The following GULP1 variants were observed in gnomAD, a reference collection of about 807,000 sequenced individuals.
GULP1 encodes the protein GULP PTB domain containing engulfment adaptor 1, also known as PTB domain-containing engulfment adapter protein 1.
In GULP1, 19 loss-of-function variants were observed where a neutral mutation model predicts 40.9. That is an observed-to-expected ratio of 0.46 (90% CI 0.32 to 0.68). The LOEUF (loss-of-function observed/expected upper bound fraction) is 0.68. Ranked by LOEUF, GULP1 falls within the 30% of genes least tolerant of loss-of-function variation. The pLI, the probability that GULP1 is intolerant of heterozygous loss-of-function variation, is 0.03. For missense variants in GULP1, 312 were observed against 362.2 expected (o/e 0.86, Z 1.12); for synonymous variants, 119 against 117.6 (o/e 1.01, Z -0.08).
chr2:188,558,022 G>T (rs1695253367), intron 7 of GULP1, among the ~76,000 whole-genome samples: 1 of 152,158 alleles, frequency 6.6e-6, no homozygotes, highest in African/African-American at 2.4e-5. Flanking sequence ...ATGCTGCAAA[G>T]GTCTCTGAAA....
At chr2:188,336,664 T>C (rs775152597) in intron 1 of GULP1, among the ~76,000 whole-genome samples, 1 of 152,154 alleles carries the variant, frequency 6.6e-6, no homozygotes, top group Non-Finnish European at 1.5e-5. Flanking sequence ...ACTGAAGAAA[T>C]AACATTTGGT....
chr2:188,564,532 A>G (rs888919176), intron 7 of GULP1, among the ~76,000 whole-genome samples: 5 of 151,948 alleles, frequency 3.3e-5, no homozygotes, highest in African/African-American at 9.6e-5. Flanking sequence ...CAAGCCCTCT[A>G]TACTGAAATC....
chr2:188,472,103 G>C (rs2060636819), intron 2 of GULP1, among the ~76,000 whole-genome samples: 1 of 151,964 alleles, frequency 6.6e-6, no homozygotes, highest in African/African-American at 2.4e-5. Context: ...TTCTCTCTTG[G>C]CCTGTAAGGT....
intron 1 of GULP1, chr2:188,297,516 C>A: frequency 2.1e-6 from 1 of 481,764 alleles, no homozygotes; most frequent in Non-Finnish European, 4.3e-6. Flanking sequence ...CCTCCAGGAA[C>A]ATCAAGGATC....
At chr2:188,377,501 G>A (rs573475816) in intron 1 of GULP1, among the ~76,000 whole-genome samples, 113 of 152,198 alleles carry the variant, frequency 7.4e-4, no homozygotes, top group African/African-American at 2.4e-3. Context: ...AGGAGAATTG[G>A]CCATATTTGT....
At chr2:188,465,033 A>G (rs1430391863) in intron 2 of GULP1, among the ~76,000 whole-genome samples, 1 of 151,976 alleles carries the variant, frequency 6.6e-6, no homozygotes, top group East Asian at 2.0e-4. Flanking sequence ...AAGGTGCAAG[A>G]CAATGTCCCC....
At chr2:188,430,561 A>G (rs191485985) in intron 2 of GULP1, among the ~76,000 whole-genome samples, 38 of 152,302 alleles carry the variant, frequency 2.5e-4, no homozygotes, top group African/African-American at 7.7e-4. Flanking sequence ...GAACACTTTA[A>G]ACATATGTTT....
At chr2:188,420,043 A>G (rs1267265851) in intron 2 of GULP1, among the ~76,000 whole-genome samples, 5 of 152,010 alleles carry the variant, frequency 3.3e-5, no homozygotes, top group Non-Finnish European at 2.9e-5. Flanking sequence ...GTTCTGTTCC[A>G]CTGGTCTATA....
intron 7 of GULP1, among the ~76,000 whole-genome samples, chr2:188,555,526 A>G (rs910648131): frequency 2.0e-5 from 3 of 152,142 alleles, no homozygotes; most frequent in African/African-American, 7.2e-5. Context: ...CACTTTGAAT[A>G]TTTTAGCCCA....
chr2:188,465,048 C>T (rs2152980460), intron 2 of GULP1, among the ~76,000 whole-genome samples: 1 of 152,078 alleles, frequency 6.6e-6, no homozygotes, highest in East Asian at 2.0e-4. Context: ...GTCCCCTTTA[C>T]TTTTTCCTCC....
chr2:188,551,797 G>T (rs1388269594), intron 7 of GULP1, among the ~76,000 whole-genome samples: 1 of 151,642 alleles, frequency 6.6e-6, no homozygotes, highest in Admixed American at 6.6e-5. Context: ...CACCAATAGT[G>T]CATAAAAGTT....
chr2:188,434,568 G>A (rs1225886949), intron 2 of GULP1, among the ~76,000 whole-genome samples: 1 of 148,638 alleles, frequency 6.7e-6, no homozygotes, highest in Non-Finnish European at 1.5e-5. Context: ...ACATCCTTTT[G>A]AATCATTTTT....
chr2:188,571,100 T>G (rs1268712054), intron 9 of GULP1, among the ~76,000 whole-genome samples: 4 of 152,090 alleles, frequency 2.6e-5, no homozygotes, highest in Non-Finnish European at 5.9e-5. Context: ...ATGGCTGCAG[T>G]GATCCATGAT....
chr2:188,396,605 A>G (rs1280099639), intron 2 of GULP1, among the ~76,000 whole-genome samples: 2 of 152,220 alleles, frequency 1.3e-5, no homozygotes, highest in East Asian at 3.9e-4. Flanking sequence ...TGGAGACAGC[A>G]ACCATGGCTT....
At chr2:188,419,612 C>T (rs188497718) in intron 2 of GULP1, among the ~76,000 whole-genome samples, 32 of 151,576 alleles carry the variant, frequency 2.1e-4, no homozygotes, top group African/African-American at 7.5e-4. Flanking sequence ...AGATTATCCT[C>T]ATAATATATG....
intron 1 of GULP1, among the ~76,000 whole-genome samples, chr2:188,345,158 G>A (rs1209990329): frequency 2.0e-5 from 3 of 152,122 alleles, no homozygotes; most frequent in African/African-American, 7.2e-5. Context: ...TGACCAGTTT[G>A]TAGAGCTAGC....
chr2:188,575,286 T>C (rs1249666019), intron 9 of GULP1, among the ~76,000 whole-genome samples: 1 of 152,200 alleles, frequency 6.6e-6, no homozygotes, highest in African/African-American at 2.4e-5. Context: ...TTTGATATAG[T>C]TGTGATCTGC....
At chr2:188,513,321 CT>C (rs2064799765) in intron 4 of GULP1, among the ~76,000 whole-genome samples, 1 of 152,094 alleles carries the variant, frequency 6.6e-6, no homozygotes, top group Non-Finnish European at 1.5e-5. Flanking sequence ...AATTTCCCAT[CT>C]GTGTTTTATA....
chr2:188,503,380 G>A (rs1032309119), intron 4 of GULP1, among the ~76,000 whole-genome samples: 6 of 151,592 alleles, frequency 4.0e-5, no homozygotes, highest in Admixed American at 1.3e-4. Context: ...AGCAGAAAGC[G>A]AAGGGGAAGC....
Sources: allele counts gnomAD v4.1 joint callset (sites outside exome capture counted in the v4.1 genomes callset), GRCh38; gene constraint gnomAD v4.1.1; transcripts MANE v1.5; gene names NCBI Gene and HGNC (gene_info 2026-07-23, HGNC 2026-07-21).